Variants in ANKS1B observed in about 807,000 individuals in gnomAD.
ANKS1B encodes ankyrin repeat and sterile alpha motif domain-containing protein 1B.
A neutral mutation model predicts 148.3 loss-of-function variants in ANKS1B; 36 were observed. The observed-to-expected ratio is 0.24, with a 90% CI of 0.19 to 0.32. The LOEUF (loss-of-function observed/expected upper bound fraction) is 0.32, where lower values mean the gene tolerates loss of function less well. Among genes scored for constraint, ANKS1B ranks in the 10% least tolerant of loss-of-function variants. ANKS1B has a pLI of 1.00. For missense variants in ANKS1B, 1,157 were observed against 1,542.6 expected (o/e 0.75, Z 4.19); for synonymous variants, 542 against 560.8 (o/e 0.97, Z 0.47).
chr12:98,975,273 C>T (rs2099892489), intron 17 of ANKS1B, among the ~76,000 whole-genome samples: 1 of 147,774 alleles, frequency 6.8e-6, no homozygotes, highest in Admixed American at 6.8e-5. Context: ...TCCTCCCTCC[C>T]TCCCTTCCTT....
At chr12:98,869,835 T>C (rs2099644189) in intron 17 of ANKS1B, among the ~76,000 whole-genome samples, 1 of 152,120 alleles carries the variant, frequency 6.6e-6, no homozygotes. Flanking sequence ...ACTGAAAACA[T>C]GAAAAACAAA....
Position 99,246,301 on chromosome 12 carries a change from G to A in ANKS1B, c.2320C>T (p.Pro774Ser). Residue 774 changes from proline to serine, a missense_variant, in exon 13 of 27, where the codon CCA (proline) becomes TCA (serine). This residue lies in a region of ANKS1B where 661 missense variants were observed against 642.1 expected (regional missense o/e 1.03). Coordinates refer to ENST00000683438, the MANE Select transcript of ANKS1B (RefSeq NM_001352186.2). ...TCTTCCCATTCCGATGTGAAGGATG[G>A]TGTTCTTTCAGAATTCCCTTTAGAA... Reference protein sequence around the residue: ...HSSKGNSERTPSFTSEWEEID... With the variant: ...HSSKGNSERTSSFTSEWEEID... 6.3e-7 allele frequency: 1 copy of A among 1,599,990 alleles called. No homozygotes were observed. The highest frequency in any genetic ancestry group is 8.5e-7 in the Non-Finnish European group (1 of 1,172,852).
chr12:99,205,014 T>C (rs1046859181), intron 14 of ANKS1B, among the ~76,000 whole-genome samples: 2 of 152,174 alleles, frequency 1.3e-5, no homozygotes, highest in Admixed American at 6.5e-5. Context: ...GTGTTAAAGA[T>C]AATGTATAGG....
chr12:98,990,353 C>A (rs1167531347), intron 17 of ANKS1B, among the ~76,000 whole-genome samples: 1 of 150,994 alleles, frequency 6.6e-6, no homozygotes, highest in Non-Finnish European at 1.5e-5. Context: ...TTTTTCCCAA[C>A]AAATGATTTT....
intron 11 of ANKS1B, among the ~76,000 whole-genome samples, chr12:99,415,784 C>A (rs2094882921): frequency 6.6e-6 from 1 of 152,090 alleles, no homozygotes; most frequent in East Asian, 1.9e-4. Flanking sequence ...CCCAGGTTCA[C>A]GCCATTTTCC....
chr12:99,819,172 A>G (rs946567129), intron 2 of ANKS1B, among the ~76,000 whole-genome samples: 6 of 151,904 alleles, frequency 3.9e-5, no homozygotes, highest in Non-Finnish European at 5.9e-5. Flanking sequence ...TAATGGGAAT[A>G]AAGTTGCAGA....
chr12:99,237,771 T>G (rs1249914360), intron 14 of ANKS1B, among the ~76,000 whole-genome samples: 1 of 152,204 alleles, frequency 6.6e-6, no homozygotes, highest in African/African-American at 2.4e-5. Flanking sequence ...TTCGTGTGTG[T>G]GCATGTGTGT....
At chr12:98,776,416 G>C (rs76032877) in intron 24 of ANKS1B, among the ~76,000 whole-genome samples, 2,394 of 152,290 alleles carry the variant, frequency 0.016, 25 homozygotes, top group Middle Eastern at 0.038. Context: ...GCTTTAAAAG[G>C]CTCAAGAGAA....
intron 14 of ANKS1B, among the ~76,000 whole-genome samples, chr12:99,217,403 C>G (rs149884318): frequency 8.6e-5 from 13 of 152,010 alleles, no homozygotes; most frequent in African/African-American, 2.9e-4. Context: ...AAAGCTAAGC[C>G]CCAATACCCA....
intron 12 of ANKS1B, among the ~76,000 whole-genome samples, chr12:99,357,087 A>G (rs1470943459): frequency 2.0e-5 from 3 of 152,048 alleles, no homozygotes; most frequent in East Asian, 3.9e-4. Context: ...AAATACATCT[A>G]TTTATGTATA....
At chr12:99,337,049 T>G (rs2152311004) in intron 12 of ANKS1B, among the ~76,000 whole-genome samples, 1 of 152,284 alleles carries the variant, frequency 6.6e-6, no homozygotes, top group East Asian at 1.9e-4. Context: ...GATCTCTTTA[T>G]CTAGGTTTGG....
chr12:99,273,026 T>C (rs1016034649), intron 12 of ANKS1B, among the ~76,000 whole-genome samples: 2 of 152,152 alleles, frequency 1.3e-5, no homozygotes, highest in Non-Finnish European at 2.9e-5. Flanking sequence ...CTACAGATAG[T>C]TGCAATCAAA....
At chr12:99,146,578 A>T (rs2073190653) in intron 15 of ANKS1B, among the ~76,000 whole-genome samples, 1 of 152,074 alleles carries the variant, frequency 6.6e-6, no homozygotes, top group African/African-American at 2.4e-5. Flanking sequence ...TAAAGCAAAA[A>T]CACCCTCTCT....
intron 9 of ANKS1B, among the ~76,000 whole-genome samples, chr12:99,620,338 C>T (rs919409406): frequency 1.3e-5 from 2 of 152,170 alleles, no homozygotes; most frequent in African/African-American, 2.4e-5. Context: ...AATGTAGTGA[C>T]ACCACCAAAG....
chr12:99,000,381 G>A (rs781437933), intron 17 of ANKS1B, among the ~76,000 whole-genome samples: 1 of 144,620 alleles, frequency 6.9e-6, no homozygotes, highest in Non-Finnish European at 1.5e-5. Context: ...CAATTCTCTT[G>A]CCTCAGCCTC....
intron 17 of ANKS1B, among the ~76,000 whole-genome samples, chr12:98,917,563 CG>C (rs2099796071): frequency 6.6e-6 from 1 of 152,152 alleles, no homozygotes; most frequent in Admixed American, 6.5e-5. Flanking sequence ...TAATACGAAG[CG>C]TAAGACCACA....
intron 10 of ANKS1B, among the ~76,000 whole-genome samples, chr12:99,477,330 G>A (rs1331511125): frequency 6.6e-6 from 1 of 152,142 alleles, no homozygotes; most frequent in Non-Finnish European, 1.5e-5. Context: ...GTTTTGGAAA[G>A]CAATGGCATT....
chr12:99,180,978 A>G (rs1200902393), intron 14 of ANKS1B, among the ~76,000 whole-genome samples: 1 of 152,150 alleles, frequency 6.6e-6, no homozygotes, highest in Non-Finnish European at 1.5e-5. Context: ...GTGAATCTGA[A>G]CAAACAGGCC....
Position 98,918,183 on chromosome 12 carries a change from C to A in ANKS1B, c.2779-86047G>T, listed in dbSNP as rs74796602. ...GATATACCCCTGCACCTCCCCATGG[C>A]CCCTCAGGCCCTTCACGGAGGTTAG... On this transcript the variant is annotated intron_variant, in intron 17 of 26. Coordinates refer to ENST00000683438, the MANE Select transcript of ANKS1B (RefSeq NM_001352186.2). Among the ~76,000 whole-genome samples the A allele has an allele frequency of 2.0e-3, 312 of 152,326 alleles. 3 individuals carry two copies. In the East Asian group the frequency reaches 0.036, roughly 18 times the overall value.
Sources: gnomAD v4.1 joint callset for allele counts (sites outside exome capture counted in the v4.1 genomes callset) on GRCh38, gnomAD v4.1.1 for gene constraint, gnomAD v4.1.1 regional missense constraint, MANE v1.5 for transcripts, NCBI Gene and HGNC (gene_info 2026-07-23, HGNC 2026-07-21) for gene names.